LIMS4: variants seen among roughly 807,000 people sequenced by gnomAD.
The protein encoded by LIMS4 is LIM zinc finger domain containing 4, also known as LIM and senescent cell antigen-like-containing domain protein 4.
chr2:110,366,248 C>T, the LIMS4 span, among the ~76,000 whole-genome samples: 1 of 151,632 alleles, frequency 6.6e-6, no homozygotes, highest in Non-Finnish European at 1.5e-5. Flanking sequence ...AAAGAAAAAA[C>T]TACAGGCCAA....
At chr2:110,407,594 G>A in the LIMS4 span, among the ~76,000 whole-genome samples, 25 of 134,720 alleles carry the variant, frequency 1.9e-4, no homozygotes, top group Middle Eastern at 3.3e-3. Flanking sequence ...GCTTCCCTGC[G>A]TGTGAGGCCC....
the LIMS4 span, among the ~76,000 whole-genome samples, chr2:110,382,179 TA>T: frequency 1.8e-4 from 8 of 43,528 alleles, no homozygotes; most frequent in East Asian, 5.9e-3. Flanking sequence ...AAGTCAATAG[TA>T]AAAAAGAAAA....
At chr2:110,392,438 A>T in the LIMS4 span, among the ~76,000 whole-genome samples, 1 of 114,768 alleles carries the variant, frequency 8.7e-6, no homozygotes, top group African/African-American at 3.3e-5. Context: ...GTCCGTCTCA[A>T]AAAAAAAAAA....
At chr2:110,368,035 A>AT in the LIMS4 span, among the ~76,000 whole-genome samples, 4 of 145,352 alleles carry the variant, frequency 2.8e-5, no homozygotes, top group Non-Finnish European at 6.0e-5. Context: ...AACATATATA[A>AT]ATATATACAT....
the LIMS4 span, chr2:110,359,160 G>A: frequency 6.7e-6 from 1 of 149,276 alleles, no homozygotes; most frequent in Non-Finnish European, 1.5e-5. Flanking sequence ...ATTTACATAT[G>A]AAATGTGTTT....
the LIMS4 span, among the ~76,000 whole-genome samples, chr2:110,425,617 C>A: frequency 3.5e-3 from 492 of 142,080 alleles, 50 homozygotes; most frequent in African/African-American, 0.013. Context: ...TCACCCTTAA[C>A]CCCTAAAGAG....
At chr2:110,410,483 C>CAAAAA in the LIMS4 span, among the ~76,000 whole-genome samples, 1 of 14,786 alleles carries the variant, frequency 6.8e-5, no homozygotes, top group African/African-American at 2.8e-4. Context: ...GATTCCGTCT[C>CAAAAA]AAAAAAAAAA....
the LIMS4 span, among the ~76,000 whole-genome samples, chr2:110,396,113 G>C: frequency 4.1e-5 from 5 of 122,600 alleles, no homozygotes; most frequent in East Asian, 2.4e-4. Context: ...TCTGCCACCA[G>C]GCACCCCTGG....
chr2:110,373,790 C>T, the LIMS4 span, among the ~76,000 whole-genome samples: 3 of 148,816 alleles, frequency 2.0e-5, no homozygotes, highest in Non-Finnish European at 4.4e-5. Flanking sequence ...TGATGTCTAC[C>T]TTCCTGGCCT....
the LIMS4 span, among the ~76,000 whole-genome samples, chr2:110,371,237 GAAAAAA>G: frequency 1.2e-5 from 1 of 84,214 alleles, no homozygotes; most frequent in Non-Finnish European, 2.2e-5. Context: ...CTATTAATGA[GAAAAAA>G]AAAAAAAAAA....
chr2:110,392,436 C>CAA, the LIMS4 span, among the ~76,000 whole-genome samples: 2 of 131,680 alleles, frequency 1.5e-5, no homozygotes, highest in Non-Finnish European at 3.2e-5. Flanking sequence ...GAGTCCGTCT[C>CAA]AAAAAAAAAA....
At chr2:110,395,717 C>A in the LIMS4 span, among the ~76,000 whole-genome samples, 1 of 75,590 alleles carries the variant, frequency 1.3e-5, no homozygotes, top group Non-Finnish European at 2.5e-5. Context: ...TCCATGCTGT[C>A]ATGGGTGATG....
chr2:110,396,114 G>A, the LIMS4 span, among the ~76,000 whole-genome samples: 5 of 122,116 alleles, frequency 4.1e-5, no homozygotes, highest in South Asian at 1.2e-3. Flanking sequence ...CTGCCACCAG[G>A]CACCCCTGGC....
At chr2:110,373,883 C>T in the LIMS4 span, among the ~76,000 whole-genome samples, 1 of 142,096 alleles carries the variant, frequency 7.0e-6, no homozygotes, top group Non-Finnish European at 1.5e-5. Flanking sequence ...TGTGAGGCTG[C>T]CAGGAATCTC....
At chr2:110,389,851 C>A in the LIMS4 span, among the ~76,000 whole-genome samples, 1 of 147,600 alleles carries the variant, frequency 6.8e-6, no homozygotes, top group Non-Finnish European at 1.5e-5. Context: ...ATCCAGTCAC[C>A]AGAACCATGA....
At chr2:110,425,562 A>G in the LIMS4 span, among the ~76,000 whole-genome samples, 1 of 140,374 alleles carries the variant, frequency 7.1e-6, no homozygotes, top group Non-Finnish European at 1.5e-5. Flanking sequence ...GTTGACTTTA[A>G]AATAGGGAGG....
the LIMS4 span, among the ~76,000 whole-genome samples, chr2:110,373,913 G>A: frequency 7.1e-6 from 1 of 141,454 alleles, no homozygotes; most frequent in Non-Finnish European, 1.5e-5. Flanking sequence ...CCCTCCCAGG[G>A]CCTGTGCAGA....
At chr2:110,382,098 AATATATATATATATATATATATATAT>A in the LIMS4 span, among the ~76,000 whole-genome samples, 8 of 40,486 alleles carry the variant, frequency 2.0e-4, no homozygotes, top group African/African-American at 5.2e-4. Context: ...AAAAAAAAAA[AATATATATATATATATATATATATAT>A]ATATATATAT....
At chr2:110,382,763 T>C in the LIMS4 span, 1 of 104,462 alleles carries the variant, frequency 9.6e-6, no homozygotes, top group Non-Finnish European at 1.8e-5. Flanking sequence ...GACCCAGTGT[T>C]GTGTGACTTC....
Sources: gnomAD v4.1 joint callset for allele counts (sites outside exome capture counted in the v4.1 genomes callset) on GRCh38, gnomAD v4.1.1 for gene constraint, MANE v1.5 for transcripts, NCBI Gene and HGNC (gene_info 2026-07-23, HGNC 2026-07-21) for gene names.